Variants in ELL observed in about 807,000 individuals in gnomAD.
ELL encodes the protein RNA polymerase II elongation factor ELL.
Under a neutral mutation model 64.0 loss-of-function variants are expected in ELL, and 18 were observed. The ratio of observed to expected loss-of-function variants is 0.28; its 90% CI spans 0.19 to 0.42. The LOEUF (loss-of-function observed/expected upper bound fraction) is 0.42, where lower values mean the gene tolerates loss of function less well. ELL is among the 10% of genes least tolerant of loss of function. The probability of loss-of-function intolerance (pLI) is 1.00; values close to 1 mark genes in which losing one functional copy is unlikely to be tolerated. For synonymous variants in ELL, 399 were observed against 376.2 expected, an observed-to-expected ratio of 1.06 and a Z score of -0.70; for missense variants, 797 against 870.4, an observed-to-expected ratio of 0.92 and a Z score of 1.06.
chr19:18,490,824 G>A (rs563396700), intron 1 of ELL, among the ~76,000 whole-genome samples: 1 of 152,290 alleles, frequency 6.6e-6, no homozygotes, highest in South Asian at 2.1e-4. Flanking sequence ...CCTGCCATCT[G>A]CAGTTTGGCT....
At position 18,465,859 on chromosome 19, in the gene ELL, G is replaced by A; in HGVS notation, c.243C>T (p.Leu81=). The change falls in exon 3 of 12, where the codon CTC becomes CTT. Residue 81 remains leucine, a synonymous_variant. Coordinates refer to ENST00000262809, the MANE Select transcript of ELL (RefSeq NM_006532.4). ...GGGGGTTGTCGCGGCCGATGTTGGA[G>A]AGGTAGAAGGAGAACGTCCGCGCCT... ...PAEARTFSFY[L]SNIGRDNPQG... is the part of the protein sequence containing the mutation. 7.4e-7 allele frequency: 1 copy of A among 1,346,452 alleles called. No homozygotes were observed. The highest frequency in any genetic ancestry group is 9.6e-7 in the Non-Finnish European group (1 of 1,039,768). 83.4% of individuals were successfully genotyped at this position (1,346,452 alleles called of 1,614,324 possible).
At chr19:18,491,732 T>C (rs1436072486) in intron 1 of ELL, among the ~76,000 whole-genome samples, 1 of 151,844 alleles carries the variant, frequency 6.6e-6, no homozygotes, top group African/African-American at 2.4e-5. Context: ...CTGGGCAACA[T>C]AGTGAGACCC....
Position 18,520,230 on chromosome 19 carries a change from G to C in ELL, c.135+1691C>G, listed in dbSNP as rs564471634. Among the ~76,000 whole-genome samples, 119 of 152,274 alleles carry C rather than the reference G, an allele frequency of 7.8e-4. 2 individuals carry two copies. Among genetic ancestry groups the C allele is most frequent in the African/African-American group, 2.5e-3 (103 of 41,562 alleles). On this transcript the variant is annotated intron_variant, in intron 1 of 11. Transcript: ENST00000262809. ...AAGCACAGAAGACAGTGGTGACCAG[G>C]TACCAAGTCCATCGTAGTTATATGA...
intron 4 of ELL, 137 bp from the exon 5 acceptor site, chr19:18,461,989 C>A: frequency 8.4e-7 from 1 of 1,185,224 alleles, no homozygotes. Flanking sequence ...CAGCAAAAGC[C>A]AGCTTGCTCC....
intron 1 of ELL, among the ~76,000 whole-genome samples, chr19:18,500,680 C>G (rs1007514089): frequency 6.6e-6 from 1 of 152,116 alleles, no homozygotes; most frequent in Admixed American, 6.6e-5. Flanking sequence ...TCTCCCTGTG[C>G]CAGGCCCCGG....
intron 1 of ELL, among the ~76,000 whole-genome samples, chr19:18,508,377 T>A (rs1347124427): frequency 6.6e-6 from 1 of 152,252 alleles, no homozygotes; most frequent in East Asian, 1.9e-4. Flanking sequence ...GAGGGTAGCC[T>A]GTCCCAGAGT....
intron 1 of ELL, among the ~76,000 whole-genome samples, chr19:18,498,841 T>G (rs1975720129): frequency 6.6e-6 from 1 of 152,180 alleles, no homozygotes; most frequent in East Asian, 1.9e-4. Flanking sequence ...TCCCAGTTAC[T>G]TGGGAGGCTG....
At chr19:18,499,392 T>C (rs1194802447) in intron 1 of ELL, among the ~76,000 whole-genome samples, 2 of 152,160 alleles carry the variant, frequency 1.3e-5, no homozygotes, top group Non-Finnish European at 2.9e-5. Flanking sequence ...TGAAACAACA[T>C]ATTAACAGCA....
At chr19:18,505,950 TG>T (rs1481738706) in intron 1 of ELL, among the ~76,000 whole-genome samples, 5 of 152,190 alleles carry the variant, frequency 3.3e-5, no homozygotes, top group Non-Finnish European at 7.4e-5. Flanking sequence ...TGTCCTGCTC[TG>T]TACTACACAG....
chr19:18,472,786 T>C, intron 2 of ELL, 49 bp downstream of exon 2: 1 of 1,581,146 alleles, frequency 6.3e-7, no homozygotes, highest in South Asian at 1.2e-5. Flanking sequence ...GACCTGAGAC[T>C]ATACCAGTCC....
intron 1 of ELL, among the ~76,000 whole-genome samples, chr19:18,509,593 G>GCGCGCGCGCGCGCACA (rs1438642062): frequency 2.4e-4 from 20 of 83,268 alleles, no homozygotes; most frequent in Non-Finnish European, 4.0e-4. Flanking sequence ...GCGCGCGCGC[G>GCGCGCGCGCGCGCACA]CACATACACA....
chr19:18,463,977 C>T (rs1600448862), intron 4 of ELL, among the ~76,000 whole-genome samples: 1 of 139,178 alleles, frequency 7.2e-6, no homozygotes, highest in East Asian at 2.0e-4. Flanking sequence ...CAGACCGCGA[C>T]TCCATCTCAA....
At chr19:18,489,944 C>T (rs1452224563) in intron 1 of ELL, among the ~76,000 whole-genome samples, 2 of 152,130 alleles carry the variant, frequency 1.3e-5, no homozygotes, top group Non-Finnish European at 2.9e-5. Context: ...CCCAGACGCG[C>T]ACTGAGCAGA....
At chr19:18,486,886 C>G (rs1379844366) in intron 1 of ELL, among the ~76,000 whole-genome samples, 1 of 152,196 alleles carries the variant, frequency 6.6e-6, no homozygotes, top group Non-Finnish European at 1.5e-5. Flanking sequence ...ACATCTGGAC[C>G]TCAGGGATGT....
intron 1 of ELL, among the ~76,000 whole-genome samples, chr19:18,502,395 A>ACAC (rs1204848152): frequency 1.3e-5 from 2 of 152,144 alleles, no homozygotes; most frequent in African/African-American, 4.8e-5. Context: ...GTCCCAGGTG[A>ACAC]GGGCCAGGCC....
chr19:18,457,189 G>A (rs995912853), intron 6 of ELL, among the ~76,000 whole-genome samples: 17 of 152,166 alleles, frequency 1.1e-4, no homozygotes, highest in Non-Finnish European at 1.0e-4. Context: ...AGCTGGAGGC[G>A]GCTCTGGAGC....
Position 18,446,422 on chromosome 19 carries a change from C to A in ELL, c.1591G>T (p.Ala531Ser). 6.2e-7 allele frequency: 1 copy of A among 1,612,926 alleles called. No homozygotes were observed. Among genetic ancestry groups the A allele is most frequent in the Non-Finnish European group, 8.5e-7 (1 of 1,179,946 alleles). Residue 531 changes from alanine to serine, a missense_variant, in exon 10 of 12, where the codon GCC becomes TCC. Coordinates refer to ENST00000262809, the MANE Select transcript of ELL (RefSeq NM_006532.4). ...QRQSYKNDFN[A>S]EYSEYRDLHA... ...AGGTCGCGGTACTCGCTGTACTCGGCATTGAAGTCGTTCTTGTAGCTCTGG... is the reference window on the plus strand; with the variant it reads ...AGGTCGCGGTACTCGCTGTACTCGGAATTGAAGTCGTTCTTGTAGCTCTGG...
chr19:18,472,005 C>A (rs902190402), intron 2 of ELL, among the ~76,000 whole-genome samples: 2 of 151,746 alleles, frequency 1.3e-5, no homozygotes, highest in Non-Finnish European at 1.5e-5. Flanking sequence ...TCTTGTTGCC[C>A]GGGCTGTAGT....
At chr19:18,448,887 T>C in intron 8 of ELL, 1 of 151,852 alleles carries the variant, frequency 6.6e-6, no homozygotes, top group East Asian at 1.9e-4. Flanking sequence ...TCTCCCCATC[T>C]CTCCCCTTCA....
Sources: allele counts gnomAD v4.1 joint callset (sites outside exome capture counted in the v4.1 genomes callset), GRCh38; gene constraint gnomAD v4.1.1; transcripts MANE v1.5; gene names NCBI Gene and HGNC (gene_info 2026-07-23, HGNC 2026-07-21).